TJAP1: variants seen among roughly 807,000 people sequenced by gnomAD.
TJAP1 encodes tight junction-associated protein 1.
A neutral mutation model predicts 42.0 loss-of-function variants in TJAP1; 27 were observed. The observed-to-expected ratio is 0.64, with a 90% CI of 0.47 to 0.89. The LOEUF (loss-of-function observed/expected upper bound fraction) is 0.89. Among genes scored for constraint, TJAP1 ranks in the 40% least tolerant of loss-of-function variants. The pLI is 0.00. For synonymous variants in TJAP1, 257 were observed against 288.4 expected (o/e 0.89, Z 1.10); for missense variants, 712 against 726.9 (o/e 0.98, Z 0.24).
intron 8 of TJAP1, 75 bp downstream of exon 8, chr6:43,502,692 G>A (rs941497094): frequency 4.6e-6 from 7 of 1,506,058 alleles, no homozygotes; most frequent in Admixed American, 2.0e-5. Flanking sequence ...TGTGGGCCCT[G>A]GCTGTTACCC....
Position 43,505,913 on chromosome 6 carries a change from T to G in TJAP1, c.*58T>G. The G allele has an allele frequency of 7.0e-7, 1 of 1,418,762 alleles. No individual in the cohort carries two copies. Among genetic ancestry groups the G allele is most frequent in the South Asian group, 1.6e-5 (1 of 62,832 alleles). 87.9% of individuals were successfully genotyped at this position (1,418,762 alleles called of 1,614,324 possible). A position where few individuals can be genotyped will look rare whatever the true frequency, so the allele number is the denominator to read the frequency against. ...CAGGACTGCAAGGAGTCCCCACACC[T>G]TGGCAGCTCAGGGTCCCCAGTCCAA... On this transcript the variant is annotated 3_prime_UTR_variant, in exon 11 of 11. Transcript: ENST00000372449. This position sits in a 1 kb window ranked among gnomAD's most constrained non-coding sequence, Gnocchi z 5.5.
chr6:43,501,769 C>CTCTG, intron 6 of TJAP1, 82 bp downstream of exon 6: 1 of 488,864 alleles, frequency 2.0e-6, no homozygotes, highest in Non-Finnish European at 3.8e-6. Flanking sequence ...CTCTCTCTGT[C>CTCTG]TCTCTCTCTC....
At position 43,495,287 on chromosome 6, in the gene TJAP1, G is replaced by A. The variant is rs1788860362; in HGVS notation, c.-121-2594G>A. Among the ~76,000 whole-genome samples, 1 of 152,212 alleles carries A rather than the reference G, an allele frequency of 6.6e-6. No individual in the cohort carries two copies. The highest frequency in any genetic ancestry group is 2.1e-4 in the South Asian group (1 of 4,836). Reference sequence around the variant, plus strand: ...ATGCATCACTGTCCTCCTTGGGTCTGTCCGGACTTTCCCTGCACACCTTCC... The same window carrying A: ...ATGCATCACTGTCCTCCTTGGGTCTATCCGGACTTTCCCTGCACACCTTCC... On this transcript the variant is annotated intron_variant, in intron 2 of 10. Transcript: ENST00000372449. The surrounding 1 kb of genome is among the most constrained non-coding windows in gnomAD (Gnocchi z 4.6).
Position 43,505,995 on chromosome 6 carries a change from C to A in TJAP1, c.*140C>A. On this transcript the variant is annotated 3_prime_UTR_variant, in exon 11 of 11. Transcript: ENST00000372449. The surrounding 1 kb of genome is among the most constrained non-coding windows in gnomAD (Gnocchi z 5.5). Reference sequence around the variant, plus strand: ...CAGCTGTTTCCTGTGTGGATGGGGTCAGGTTGTGGGCCATGCCAGGCCTGT... The same window carrying A: ...CAGCTGTTTCCTGTGTGGATGGGGTAAGGTTGTGGGCCATGCCAGGCCTGT... The A allele has an allele frequency of 2.1e-6, 2 of 934,654 alleles. No individual in the cohort carries two copies. Among genetic ancestry groups the A allele is most frequent in the Non-Finnish European group, 2.9e-6 (2 of 692,542 alleles). The allele number at this position is 934,654 out of a possible 1,614,324, so 57.9% of individuals were successfully genotyped here.
At chr6:43,496,628 C>G (rs112248747) in intron 2 of TJAP1, among the ~76,000 whole-genome samples, 5 of 152,218 alleles carry the variant, frequency 3.3e-5, no homozygotes, top group African/African-American at 1.2e-4. Context: ...CCCACCCTCC[C>G]TACCCTCTCA....
At chr6:43,485,863 A>G (rs1786347031) in intron 2 of TJAP1, among the ~76,000 whole-genome samples, 1 of 152,170 alleles carries the variant, frequency 6.6e-6, no homozygotes. Context: ...AAAAGGTGAT[A>G]GTGTTAACAA....
chr6:43,504,628 C>A, intron 10 of TJAP1, 133 bp from the exon 11 acceptor site: 1 of 1,140,934 alleles, frequency 8.8e-7, no homozygotes, highest in Non-Finnish European at 1.3e-6. Context: ...CACTGGCATG[C>A]TGTAAGAACA....
At chr6:43,503,899 A>T (rs114801660) in intron 10 of TJAP1, 193 bp downstream of exon 10, 15,946 of 714,642 alleles carry the variant, frequency 0.022, 367 homozygotes, top group Middle Eastern at 0.067. Flanking sequence ...GCCCATCACT[A>T]GTTCTGGGGG....
In TJAP1 at chr6:43,505,785, TG is replaced by T; in HGVS notation, c.1609del (p.Val537PhefsTer10). On this transcript the variant is annotated frameshift_variant, in exon 11 of 11. Transcript: ENST00000372449. LOFTEE classifies it high-confidence loss of function. The surrounding 1 kb of genome is among the most constrained non-coding windows in gnomAD (Gnocchi z 5.5). ...CGCCCCCAGCGCAGCCCCAAGAGGA[TG>T]GGGGTTCACCACCTGCACCGCAAGG... The T allele has an allele frequency of 6.6e-7, 1 of 1,507,850 alleles. No individual in the cohort carries two copies. 93.4% of individuals were successfully genotyped at this position (1,507,850 alleles called of 1,614,324 possible).
intron 2 of TJAP1, among the ~76,000 whole-genome samples, chr6:43,481,482 A>T (rs373014683): frequency 8.1e-6 from 1 of 123,734 alleles, no homozygotes. Context: ...GCAAGACATC[A>T]CCCCCCCCCC....
rs753048713 is a variant in TJAP1, at chr6:43,501,703, G to T, written c.290+16G>T. The T allele has an allele frequency of 4.2e-6, 3 of 707,278 alleles. No homozygotes were observed. Among genetic ancestry groups the T allele is most frequent in the Non-Finnish European group, 7.6e-6 (3 of 394,446 alleles). 43.8% of individuals were successfully genotyped at this position (707,278 alleles called of 1,614,324 possible). Reference sequence around the variant, plus strand: ...AGTTCCGCAGGTGTGGGAATGAGGGGCCAGACACACACACACACACACACA... The same window carrying T: ...AGTTCCGCAGGTGTGGGAATGAGGGTCCAGACACACACACACACACACACA... On this transcript the variant is annotated intron_variant, in intron 6 of 10. Coordinates refer to ENST00000372449, the Ensembl canonical transcript of TJAP1.
chr6:43,484,132 T>A (rs1334488677), intron 2 of TJAP1, among the ~76,000 whole-genome samples: 2 of 150,800 alleles, frequency 1.3e-5, no homozygotes, highest in East Asian at 1.9e-4. Context: ...GAGTAATGAG[T>A]TCATAGCATA....
chr6:43,503,591 G>C (rs754935977), intron 9 of TJAP1, 32 bp from the exon 10 acceptor site: 34 of 1,613,128 alleles, frequency 2.1e-5, no homozygotes, highest in Non-Finnish European at 2.9e-5. Context: ...GAGAGGGCTG[G>C]GCTGGGCTCT....
At chr6:43,504,444 G>C in intron 10 of TJAP1, 1 of 395,000 alleles carries the variant, frequency 2.5e-6, no homozygotes, top group South Asian at 2.9e-5. Context: ...AAGGCTACTG[G>C]TCTATGCAGA....
exon 10 of TJAP1, chr6:43,503,657 A>G (rs1476552128): frequency 6.2e-7 from 1 of 1,614,030 alleles, no homozygotes; most frequent in Non-Finnish European, 8.5e-7. Flanking sequence ...CTGGCTGTAC[A>G]GCTCCTCAAG....
Position 43,505,815 on chromosome 6 carries a change from G to T in TJAP1, c.1634G>T (p.Ser545Ile). The change falls in exon 11 of 11, where the codon AGC (serine) becomes ATC (isoleucine). Residue 545 changes from serine (S) to isoleucine (I), a missense_variant. By Grantham distance (142) the Ser-to-Ile change is moderately radical. This residue lies in a region of TJAP1 where 549 missense variants were observed against 528.2 expected (regional missense o/e 1.04). Coordinates refer to ENST00000372449, the Ensembl canonical transcript of TJAP1. This position sits in a 1 kb window ranked among gnomAD's most constrained non-coding sequence, Gnocchi z 5.5. ...GTTCACCACCTGCACCGCAAGGACA[G>T]CCTGACCCAGGCCCAGGAGCAGGGC... 6.7e-7 allele frequency: 1 copy of T among 1,495,838 alleles called. No individual in the cohort carries two copies. 92.7% of individuals were successfully genotyped at this position (1,495,838 alleles called of 1,614,324 possible). A position where few individuals can be genotyped will look rare whatever the true frequency, so the allele number is the denominator to read the frequency against.
chr6:43,504,826 A>C, exon 11 of TJAP1: 1 of 1,614,238 alleles, frequency 6.2e-7, no homozygotes, highest in Non-Finnish European at 8.5e-7. Flanking sequence ...CCGCCAGCCC[A>C]GGTCCTGCTC....
rs948173542 is a variant in TJAP1, at chr6:43,492,361, C to T, written c.-121-5520C>T. ...AGGTTGTACTTGCCCAGAGGGGTGG[C>T]GGGCATAGCTGTTGGAGGGGCAGCA... On this transcript the variant is annotated intron_variant, in intron 2 of 10. Transcript: ENST00000372449. The surrounding 1 kb of genome is among the most constrained non-coding windows in gnomAD (Gnocchi z 4.2). 6.6e-6 allele frequency among the ~76,000 whole-genome samples: 1 copy of T among 152,098 alleles called. No homozygotes were observed. Among genetic ancestry groups the T allele is most frequent in the Non-Finnish European group, 1.5e-5 (1 of 68,022 alleles).
exon 11 of TJAP1, chr6:43,504,955 G>A: frequency 1.9e-6 from 3 of 1,614,162 alleles, no homozygotes; most frequent in Non-Finnish European, 2.5e-6. Context: ...CCTTGGCTGA[G>A]GATGTCTTTG....
Sources: allele counts gnomAD v4.1 joint callset (sites outside exome capture counted in the v4.1 genomes callset), GRCh38; gene constraint gnomAD v4.1.1; regional missense constraint gnomAD v4.1.1; non-coding constraint Gnocchi (gnomAD v3.1); transcripts MANE v1.5; gene names NCBI Gene and HGNC (gene_info 2026-07-23, HGNC 2026-07-21).